The following PIK3CD variants were observed in gnomAD, a reference collection of about 807,000 sequenced individuals.
The protein encoded by PIK3CD is phosphatidylinositol-4,5-bisphosphate 3-kinase catalytic subunit delta.
In PIK3CD, 20 loss-of-function variants were observed where a neutral mutation model predicts 122.9. The observed-to-expected ratio is 0.16, with a 90% CI of 0.11 to 0.24. PIK3CD has a LOEUF of 0.24. Among genes scored for constraint, PIK3CD ranks in the 10% least tolerant of loss-of-function variants. PIK3CD has a pLI of 1.00. For missense variants in PIK3CD, 787 were observed against 1,406.3 expected (o/e 0.56, Z 7.04); for synonymous variants, 596 against 593.4 (o/e 1.00, Z -0.06).
chr1:9,644,516 C>CAAATAAAT, the PIK3CD span, among the ~76,000 whole-genome samples: 8,798 of 145,466 alleles, frequency 0.06, 300 homozygotes, highest in East Asian at 0.076. Context: ...GACTCCGTCT[C>CAAATAAAT]AAATAAATAA....
Position 9,721,944 on chromosome 1 carries a change from G to T in PIK3CD, c.2056-31G>T, listed in dbSNP as rs1367589168. 4.3e-6 allele frequency: 7 copies of T among 1,613,086 alleles called. No individual in the cohort carries two copies. The South Asian group carries it at 7.7e-5, about 18-fold the overall frequency. ...CAGGGCTGGGTCGAGGCTGGGACCT[G>T]CCCACCGCCGCCCTCCCATCTGCCC... On this transcript the variant is annotated intron_variant, in intron 16 of 23. Coordinates refer to ENST00000377346, the MANE Select transcript of PIK3CD (RefSeq NM_005026.5).
intron 2 of PIK3CD, among the ~76,000 whole-genome samples, chr1:9,702,968 A>G (rs1264648360): frequency 1.3e-5 from 2 of 152,208 alleles, no homozygotes; most frequent in Admixed American, 6.5e-5. Context: ...GAGACTGAAG[A>G]GTCCAGGGAT....
chr1:9,651,735 G>C lies in PIK3CD; in HGVS notation c.-205G>C, dbSNP rs919946367. 6.6e-6 allele frequency: 1 copy of C among 152,038 alleles called. No homozygotes were observed. The highest frequency in any genetic ancestry group is 1.9e-4 in the East Asian group (1 of 5,172). The allele number at this position is 152,038 out of a possible 1,614,324, so 9.4% of individuals were successfully genotyped here. A position where few individuals can be genotyped will look rare whatever the true frequency, so the allele number is the denominator to read the frequency against. ...CGCCTCCCTCCCTCGAGGCTCACTC[G>C]CGCCCAGCGCAGTCGCTCCGAGCGG... On this transcript the variant is annotated 5_prime_UTR_variant, in exon 1 of 24. Coordinates refer to ENST00000377346, the MANE Select transcript of PIK3CD (RefSeq NM_005026.5).
In PIK3CD at chr1:9,723,573, G is replaced by A. The variant is rs138012962; in HGVS notation, c.2594+281G>A. 1.1e-3 allele frequency among the ~76,000 whole-genome samples: 160 copies of A among 152,288 alleles called. No individual in the cohort carries two copies. The highest frequency in any genetic ancestry group is 3.2e-3 in the African/African-American group (134 of 41,554). On this transcript the variant is annotated intron_variant, in intron 20 of 23. Transcript: ENST00000377346. This position sits in a 1 kb window ranked among gnomAD's most constrained non-coding sequence, Gnocchi z 4.9. ...TCTGCAGCTGGGGCTGGGCTCAGCC[G>A]GGTGGCTTTTCTGCTGGTTCCACAT...
In PIK3CD at chr1:9,718,343, C is replaced by T. The variant is rs1647891738; in HGVS notation, c.1021-351C>T. On this transcript the variant is annotated intron_variant, in intron 8 of 23. Transcript: ENST00000377346. The surrounding 1 kb of genome is among the most constrained non-coding windows in gnomAD (Gnocchi z 7.2). ...AAGTCCTTCCCCACCCACATGGGCT[C>T]ATAGGAATCTGAGAAGTCCAGGGAG... Among the ~76,000 whole-genome samples the T allele has an allele frequency of 6.6e-6, 1 of 152,090 alleles. No individual in the cohort carries two copies. The highest frequency in any genetic ancestry group is 1.5e-5 in the Non-Finnish European group (1 of 68,000).
At chr1:9,670,272 AT>A (rs1160280867) in intron 1 of PIK3CD, among the ~76,000 whole-genome samples, 6 of 152,084 alleles carry the variant, frequency 3.9e-5, no homozygotes, top group Non-Finnish European at 7.4e-5. Context: ...CAGGTCATGA[AT>A]CTTTTTTTCC....
intron 1 of PIK3CD, chr1:9,688,031 G>A (rs1001095340): frequency 2.0e-5 from 3 of 152,216 alleles, no homozygotes; most frequent in African/African-American, 7.2e-5. Context: ...CCCTGGCTAG[G>A]GAGCTCCGAG....
rs1220120855 is a variant in PIK3CD at position 9,720,067 on chromosome 1, A to G, written c.1340-45A>G. 2 of 1,613,336 alleles carry G rather than the reference A, an allele frequency of 1.2e-6. No individual in the cohort carries two copies. The highest frequency in any genetic ancestry group is 2.2e-5 in the South Asian group (2 of 91,082). On this transcript the variant is annotated intron_variant, in intron 10 of 23. Transcript: ENST00000377346. The surrounding 1 kb of genome is among the most constrained non-coding windows in gnomAD (Gnocchi z 9.0). The stretch of plus-strand genomic sequence containing the variant: ...GGCGTTGGGAGTGTGAGGGTCCCAG[A>G]GATGCTGGTCACCCCTCTACAACTT...
At chr1:9,707,340 T>C (rs1480850891) in intron 2 of PIK3CD, among the ~76,000 whole-genome samples, 2 of 151,374 alleles carry the variant, frequency 1.3e-5, no homozygotes, top group Non-Finnish European at 2.9e-5. Flanking sequence ...TTTTTTTTCC[T>C]TGAGTGTTAC....
rs1182313868 is a variant in PIK3CD, at chr1:9,728,788, A to ATAT, written c.*1744_*1746dup. The ATAT allele has an allele frequency of 6.6e-6, 1 of 152,236 alleles. No individual in the cohort carries two copies. The highest frequency in any genetic ancestry group is 2.4e-5 in the African/African-American group (1 of 41,458). The allele number at this position is 152,236 out of a possible 1,614,324, so 9.4% of individuals were successfully genotyped here. A position where few individuals can be genotyped will look rare whatever the true frequency, so the allele number is the denominator to read the frequency against. On this transcript the variant is annotated 3_prime_UTR_variant, in exon 24 of 24. Coordinates refer to ENST00000377346, the MANE Select transcript of PIK3CD (RefSeq NM_005026.5). ...CAGTCTTGTGTGCCTGGCGAGAAGA[A>ATAT]TATTTTCTATTTTTTTAAGTCATTT... is the stretch of plus-strand genomic sequence containing the variant.
upstream of PIK3CD, among the ~76,000 whole-genome samples, chr1:9,651,018 A>T (rs991879914): frequency 3.9e-5 from 6 of 151,942 alleles, no homozygotes; most frequent in Non-Finnish European, 7.4e-5. Context: ...CTAATTTTTA[A>T]TTTTTTTGTA....
chr1:9,653,562 A>G (rs1356628305), intron 1 of PIK3CD: 2 of 343,752 alleles, frequency 5.8e-6, no homozygotes, highest in South Asian at 2.3e-5. Flanking sequence ...CTGTTCAGAG[A>G]GGCACCCTCT....
At chr1:9,633,389 G>A in the PIK3CD span, among the ~76,000 whole-genome samples, 1 of 152,054 alleles carries the variant, frequency 6.6e-6, no homozygotes, top group East Asian at 1.9e-4. Context: ...CTCACTGCAA[G>A]CTCTGCTTCC....
At chr1:9,641,213 G>T in the PIK3CD span, among the ~76,000 whole-genome samples, 4 of 152,332 alleles carry the variant, frequency 2.6e-5, no homozygotes, top group South Asian at 8.3e-4. Context: ...ACAGCTTGCT[G>T]CAAGATACAC....
upstream of PIK3CD, among the ~76,000 whole-genome samples, chr1:9,650,889 G>C (rs1475054546): frequency 6.6e-6 from 1 of 152,074 alleles, no homozygotes; most frequent in South Asian, 2.1e-4. Context: ...TGTTTCCCAG[G>C]CTGGAGTGCA....
Position 9,723,046 on chromosome 1 carries a change from A to G in PIK3CD, c.2427-79A>G. The G allele has an allele frequency of 7.0e-7, 1 of 1,427,912 alleles. No homozygotes were observed. Among genetic ancestry groups the G allele is most frequent in the South Asian group, 1.1e-5 (1 of 87,284 alleles). The allele number at this position is 1,427,912 out of a possible 1,614,324, so 88.5% of individuals were successfully genotyped here. A position where few individuals can be genotyped will look rare whatever the true frequency, so the allele number is the denominator to read the frequency against. On this transcript the variant is annotated intron_variant, in intron 19 of 23. Transcript: ENST00000377346. The surrounding 1 kb of genome is among the most constrained non-coding windows in gnomAD (Gnocchi z 4.9). ...ATCTTCTGTGGCTTTTTGGGGCACCATGAGTTTCTGGGGCTCAAGTGGCCT... is the reference window on the plus strand; with the variant it reads ...ATCTTCTGTGGCTTTTTGGGGCACCGTGAGTTTCTGGGGCTCAAGTGGCCT...
the PIK3CD span, among the ~76,000 whole-genome samples, chr1:9,639,206 A>G: frequency 6.6e-6 from 1 of 152,012 alleles, no homozygotes; most frequent in Non-Finnish European, 1.5e-5. Flanking sequence ...CCTGGGAAAA[A>G]GTAACCATCT....
chr1:9,628,546 C>T, the PIK3CD span, among the ~76,000 whole-genome samples: 6 of 152,228 alleles, frequency 3.9e-5, no homozygotes, highest in South Asian at 2.1e-4. Flanking sequence ...CTGGGAAAGG[C>T]GCCCCTGCCG....
intron 1 of PIK3CD, among the ~76,000 whole-genome samples, chr1:9,664,915 T>C (rs1645113698): frequency 6.6e-6 from 1 of 152,092 alleles, no homozygotes; most frequent in South Asian, 2.1e-4. Context: ...GATTATTTTA[T>C]GTCCTAGCTG....
Sources: gnomAD v4.1 joint callset for allele counts (sites outside exome capture counted in the v4.1 genomes callset) on GRCh38, gnomAD v4.1.1 for gene constraint, Gnocchi (gnomAD v3.1) non-coding constraint, MANE v1.5 for transcripts, NCBI Gene and HGNC (gene_info 2026-07-23, HGNC 2026-07-21) for gene names.